CRADD: variants seen among roughly 807,000 people sequenced by gnomAD.
CRADD encodes the protein death domain-containing protein CRADD.
A neutral mutation model predicts 15.5 loss-of-function variants in CRADD; 9 were observed. The observed-to-expected ratio is 0.58, with a 90% CI of 0.35 to 1.01. CRADD has a LOEUF of 1.01. Ranked by LOEUF, CRADD falls within the 50% of genes least tolerant of loss-of-function variation. The pLI is 0.02. For missense variants in CRADD, 227 were observed against 250.3 expected, an observed-to-expected ratio of 0.91 and a Z score of 0.63; for synonymous variants, 118 against 107.6, an observed-to-expected ratio of 1.10 and a Z score of -0.60.
At chr12:93,819,381 T>G (rs1212374363) in intron 2 of CRADD, among the ~76,000 whole-genome samples, 3 of 152,004 alleles carry the variant, frequency 2.0e-5, no homozygotes, top group Non-Finnish European at 4.4e-5. Context: ...TGTGGAAGAG[T>G]GAGAACTAAA....
intron 2 of CRADD, among the ~76,000 whole-genome samples, chr12:93,728,539 C>T (rs10859564): frequency 0.37 from 56,029 of 151,856 alleles, 11,543 homozygotes; most frequent in East Asian, 0.57. Context: ...TGATAAAATA[C>T]GGTAAAGTTC....
chr12:93,749,742 G>A (rs559870221), intron 2 of CRADD, among the ~76,000 whole-genome samples: 24 of 152,116 alleles, frequency 1.6e-4, no homozygotes, highest in African/African-American at 4.8e-4. Context: ...CTCCCAACAC[G>A]CCCATCATTT....
intron 2 of CRADD, among the ~76,000 whole-genome samples, chr12:93,866,886 G>A (rs890252610): frequency 1.3e-5 from 2 of 152,192 alleles, no homozygotes; most frequent in Non-Finnish European, 2.9e-5. Flanking sequence ...TAGTCCTCAT[G>A]CTTTCAAAAT....
chr12:93,687,176 G>C (rs1955458716), intron 2 of CRADD, among the ~76,000 whole-genome samples: 1 of 152,174 alleles, frequency 6.6e-6, no homozygotes. Flanking sequence ...CTAATTGCAG[G>C]TCTTTCTAGG....
chr12:93,793,172 A>G (rs986812445), intron 2 of CRADD, among the ~76,000 whole-genome samples: 14 of 152,314 alleles, frequency 9.2e-5, no homozygotes, highest in African/African-American at 3.4e-4. Flanking sequence ...TCCTTCCCCC[A>G]GTTTACAGAA....
chr12:93,721,431 A>G lies in CRADD; in HGVS notation c.298+42359A>G, dbSNP rs1477969956. 3.3e-5 allele frequency among the ~76,000 whole-genome samples: 5 copies of G among 152,170 alleles called. No homozygotes were observed. In the South Asian group the frequency reaches 8.3e-4, roughly 25 times the overall value. ...CTTATACGTTAGTGTATATAACTAT[A>G]TGTGTATGCACATACACAAACACAC... On this transcript the variant is annotated intron_variant, in intron 2 of 2. Transcript: ENST00000332896.
chr12:93,804,992 A>G (rs1957520418), intron 2 of CRADD, among the ~76,000 whole-genome samples: 3 of 152,172 alleles, frequency 2.0e-5, no homozygotes, highest in African/African-American at 4.8e-5. Flanking sequence ...TAAGCCGAGT[A>G]TAATAGCTAC....
chr12:93,857,837 A>G (rs1250549007), intron 2 of CRADD, among the ~76,000 whole-genome samples: 2 of 152,228 alleles, frequency 1.3e-5, no homozygotes, highest in Non-Finnish European at 2.9e-5. Flanking sequence ...TTACAACCAG[A>G]GCCCCCAGAC....
At chr12:93,848,185 G>A (rs1010131915) in intron 2 of CRADD, among the ~76,000 whole-genome samples, 4 of 151,832 alleles carry the variant, frequency 2.6e-5, no homozygotes, top group African/African-American at 7.3e-5. Context: ...TTTTATACAA[G>A]CCGTAAAATC....
At chr12:93,794,927 C>T (rs749642131) in intron 2 of CRADD, among the ~76,000 whole-genome samples, 1 of 152,172 alleles carries the variant, frequency 6.6e-6, no homozygotes, top group Non-Finnish European at 1.5e-5. Flanking sequence ...ATACAGATCA[C>T]CATAAGGCTG....
intron 2 of CRADD, among the ~76,000 whole-genome samples, chr12:93,713,692 C>G (rs909358554): frequency 2.0e-5 from 3 of 151,916 alleles, no homozygotes; most frequent in Admixed American, 2.0e-4. Flanking sequence ...GCTGAATCTG[C>G]ATATACAGAA....
chr12:93,887,976 G>A (rs556532696), intron 2 of CRADD, among the ~76,000 whole-genome samples: 14 of 152,246 alleles, frequency 9.2e-5, no homozygotes, highest in East Asian at 3.9e-4. Flanking sequence ...AAAGCTTCCC[G>A]GTTAAAGTGC....
At chr12:93,863,596 T>TTGTGTGTGTGTGTGTGTGTGTGTG (rs1157061528) in intron 2 of CRADD, among the ~76,000 whole-genome samples, 2 of 124,774 alleles carry the variant, frequency 1.6e-5, no homozygotes, top group Admixed American at 8.1e-5. Flanking sequence ...GTGGAGGCAT[T>TTGTGTGTGTGTGTGTGTGTGTGTG]TGTGTGTGTG....
chr12:93,715,360 A>G (rs572326778), intron 2 of CRADD, among the ~76,000 whole-genome samples: 10 of 152,366 alleles, frequency 6.6e-5, no homozygotes, highest in Admixed American at 3.9e-4. Flanking sequence ...TCACAAGAAC[A>G]TTGGTAAACA....
At chr12:93,711,055 C>CCTTTTT in intron 2 of CRADD, among the ~76,000 whole-genome samples, 1 of 43,508 alleles carries the variant, frequency 2.3e-5, no homozygotes, top group Non-Finnish European at 4.4e-5. Context: ...CCACCCCCGC[C>CCTTTTT]TTTTTTTTTT....
chr12:93,787,014 G>A (rs1271284541), intron 2 of CRADD, among the ~76,000 whole-genome samples: 1 of 152,054 alleles, frequency 6.6e-6, no homozygotes, highest in African/African-American at 2.4e-5. Context: ...AATTGTGTAT[G>A]AGTCCACTTT....
intron 2 of CRADD, among the ~76,000 whole-genome samples, chr12:93,823,950 C>G (rs967335305): frequency 2.0e-5 from 3 of 152,184 alleles, no homozygotes; most frequent in African/African-American, 7.2e-5. Flanking sequence ...GGGAACAACT[C>G]TCTGCAGTAA....
intron 2 of CRADD, among the ~76,000 whole-genome samples, chr12:93,722,470 T>C (rs1592928540): frequency 1.3e-5 from 2 of 151,974 alleles, no homozygotes; most frequent in East Asian, 1.9e-4. Context: ...ATTTCCACTA[T>C]ACCTATGTTA....
chr12:93,704,131 C>A (rs950464093), intron 2 of CRADD, among the ~76,000 whole-genome samples: 1 of 151,330 alleles, frequency 6.6e-6, no homozygotes, highest in African/African-American at 2.4e-5. Context: ...TATTTGGAGC[C>A]TTTGTGTGAA....
Sources: gnomAD v4.1 joint callset for allele counts (sites outside exome capture counted in the v4.1 genomes callset) on GRCh38, gnomAD v4.1.1 for gene constraint, MANE v1.5 for transcripts, NCBI Gene and HGNC (gene_info 2026-07-23, HGNC 2026-07-21) for gene names.